The following A3GALT2 variants were observed in gnomAD, a reference collection of about 807,000 sequenced individuals.
The protein encoded by A3GALT2 is alpha 1,3-galactosyltransferase 2.
In A3GALT2, 14 loss-of-function variants were observed where a neutral mutation model predicts 16.6. The ratio of observed to expected loss-of-function variants is 0.84; its 90% CI spans 0.56 to 1.32. A3GALT2 has a LOEUF of 1.32. Ranked by LOEUF, A3GALT2 falls within the 40% of genes most tolerant of loss-of-function variation. The pLI, the probability that A3GALT2 is intolerant of heterozygous loss-of-function variation, is 0.00. For synonymous variants in A3GALT2, 253 were observed against 218.0 expected, an observed-to-expected ratio of 1.16 and a Z score of -1.42; for missense variants, 600 against 490.9, an observed-to-expected ratio of 1.22 and a Z score of -2.10.
rs1646198043 is a variant in A3GALT2, at chr1:33,307,155, C to T, written c.634G>A (p.Ala212Thr). 2 of 1,553,660 alleles carry T rather than the reference C, an allele frequency of 1.3e-6. No homozygotes were observed. The highest frequency in any genetic ancestry group is 1.7e-6 in the Non-Finnish European group (2 of 1,153,120). Residue 212 changes from alanine to threonine, a missense_variant, in exon 5 of 5, where the codon GCG (alanine) becomes ACG (threonine). Coordinates refer to ENST00000442999, the MANE Select transcript of A3GALT2 (RefSeq NM_001080438.1). ...QHFSGTFGPEALAESVAQLHS... is the reference protein window; with the variant it reads ...QHFSGTFGPETLAESVAQLHS... ...AGCTGCGCCACCGACTCGGCCAGCG[C>T]CTCGGGCCCAAAAGTGCCGCTGAAG...
At position 33,307,179 on chromosome 1, in the gene A3GALT2, A is replaced by G; in HGVS notation, c.610T>C (p.Phe204Leu). The change falls in exon 5 of 5, where the codon TTC becomes CTC. Residue 204 changes from phenylalanine to leucine, a missense_variant. Physicochemically the swap from Phe to Leu is conservative, Grantham distance 22. Coordinates refer to ENST00000442999, the MANE Select transcript of A3GALT2 (RefSeq NM_001080438.1). Reference protein sequence around the residue: ...FMFCMDVDQHFSGTFGPEALA... With the variant: ...FMFCMDVDQHLSGTFGPEALA... ...GCCTCGGGCCCAAAAGTGCCGCTGA[A>G]GTGCTGGTCCACGTCCATGCAGAAC... The G allele has an allele frequency of 5.2e-6, 8 of 1,550,942 alleles. No individual in the cohort carries two copies. The highest frequency in any genetic ancestry group is 8.7e-7 in the Non-Finnish European group (1 of 1,151,942).
intron 4 of A3GALT2, among the ~76,000 whole-genome samples, chr1:33,311,037 G>T (rs1473310886): frequency 6.6e-6 from 1 of 152,172 alleles, no homozygotes; most frequent in Admixed American, 6.5e-5. Flanking sequence ...GTTGTCTGGG[G>T]TATCTGGTAA....
intron 4 of A3GALT2, 87 bp downstream of exon 4, chr1:33,311,965 G>T: frequency 6.5e-7 from 1 of 1,548,826 alleles, no homozygotes; most frequent in East Asian, 2.3e-5. Context: ...CATGGCACAG[G>T]GGAGCAGGGT....
At position 33,312,054 on chromosome 1, in the gene A3GALT2, G is replaced by T. The variant is rs911589383; in HGVS notation, c.333C>A (p.Gly111=). ...LTIGLTIFAV[G]RYLEKYLERF... ...CTGCTCCCCTTCCCAGGCCTTACCTGCCTACAGCAAAGATAGTCAGCCCAA... is the reference window on the plus strand; with the variant it reads ...CTGCTCCCCTTCCCAGGCCTTACCTTCCTACAGCAAAGATAGTCAGCCCAA... The change falls in exon 4 of 5, where the codon GGC becomes GGA. Residue 111 remains glycine (G), a splice_region_variant and synonymous_variant. Transcript: ENST00000442999. 2 of 1,613,520 alleles carry T rather than the reference G, an allele frequency of 1.2e-6. No individual in the cohort carries two copies. Among genetic ancestry groups the T allele is most frequent in the Non-Finnish European group, 8.5e-7 (1 of 1,179,786 alleles).
chr1:33,319,298 A>G (rs1259798687), intron 1 of A3GALT2, among the ~76,000 whole-genome samples: 1 of 152,196 alleles, frequency 6.6e-6, no homozygotes, highest in Admixed American at 6.5e-5. Context: ...ACTCAGGTGA[A>G]TACTGCTGTC....
chr1:33,308,626 C>T (rs1405305124), intron 4 of A3GALT2, among the ~76,000 whole-genome samples: 2 of 151,674 alleles, frequency 1.3e-5, no homozygotes, highest in African/African-American at 4.9e-5. Context: ...AGGCTGGTCT[C>T]GAACTCTGAC....
Position 33,307,026 on chromosome 1 carries a change from C to A in A3GALT2, c.763G>T (p.Ala255Ser). 1.3e-6 allele frequency: 2 copies of A among 1,485,608 alleles called. No individual in the cohort carries two copies. Among genetic ancestry groups the A allele is most frequent in the East Asian group, 2.9e-5 (1 of 35,068 alleles). 92.0% of individuals were successfully genotyped at this position (1,485,608 alleles called of 1,614,324 possible). Reference sequence around the variant, plus strand: ...GCCACGCTGCCCCCGAACACCGCCGCGTGGTTATAGAAGTCGCCCTGGCCC... The same window carrying A: ...GCCACGCTGCCCCCGAACACCGCCGAGTGGTTATAGAAGTCGCCCTGGCCC... ...AWGQGDFYNH[A>S]AVFGGSVAAL... Residue 255 changes from alanine to serine, a missense_variant, in exon 5 of 5, where the codon GCG becomes TCG. Coordinates refer to ENST00000442999, the MANE Select transcript of A3GALT2 (RefSeq NM_001080438.1).
chr1:33,312,607 G>A lies in A3GALT2; in HGVS notation c.108-17C>T, dbSNP rs369137151. 7 of 1,561,102 alleles carry A rather than the reference G, an allele frequency of 4.5e-6. No individual in the cohort carries two copies. Among genetic ancestry groups the A allele is most frequent in the Non-Finnish European group, 6.1e-6 (7 of 1,150,394 alleles). On this transcript the variant is annotated splice_polypyrimidine_tract_variant and intron_variant, in intron 2 of 4. Transcript: ENST00000442999. ...TCCAGATGCCTGTGGTGGGTTGAGG[G>A]GCGGGGGGCAGGCAGCCGTGAGAAG...
At chr1:33,308,770 T>TTTTTTTTTG (rs1646217420) in intron 4 of A3GALT2, among the ~76,000 whole-genome samples, 1 of 128,800 alleles carries the variant, frequency 7.8e-6, no homozygotes, top group East Asian at 2.0e-4. Context: ...TTTTTTTTTT[T>TTTTTTTTTG]TTTTTTTTTT....
At chr1:33,319,087 C>T (rs1486823423) in intron 1 of A3GALT2, among the ~76,000 whole-genome samples, 1 of 152,138 alleles carries the variant, frequency 6.6e-6, no homozygotes, top group Admixed American at 6.5e-5. Flanking sequence ...CACCACAGCC[C>T]CTTGAAGGAG....
intron 1 of A3GALT2, among the ~76,000 whole-genome samples, chr1:33,318,253 A>G (rs1646269984): frequency 6.6e-6 from 1 of 152,200 alleles, no homozygotes; most frequent in South Asian, 2.1e-4. Context: ...TAAAACAGTG[A>G]AACAGGTATA....
At chr1:33,310,396 G>C (rs947492626) in intron 4 of A3GALT2, among the ~76,000 whole-genome samples, 2 of 152,176 alleles carry the variant, frequency 1.3e-5, no homozygotes, top group Non-Finnish European at 2.9e-5. Context: ...TATTTTATGA[G>C]CTATAATAAT....
At chr1:33,309,927 C>T (rs552663746) in intron 4 of A3GALT2, among the ~76,000 whole-genome samples, 16 of 152,356 alleles carry the variant, frequency 1.1e-4, no homozygotes, top group African/African-American at 2.2e-4. Flanking sequence ...GCTGCAATCT[C>T]GGCACTTTGG....
rs779089946 is a variant in A3GALT2, at chr1:33,307,285, G to C, written c.504C>G (p.Arg168=). Residue 168 remains arginine (R), a synonymous_variant, in exon 5 of 5, where the codon CGC becomes CGG. Transcript: ENST00000442999. ...TGCGCGCCATCGACACGTCTTGCCA[G>C]CGCCGCTCGCGCGCCACGCGCTCCA... ...LPVERVARER[R]WQDVSMARMR... is the part of the protein sequence containing the mutation. The C allele has an allele frequency of 2.8e-6, 4 of 1,438,198 alleles. No homozygotes were observed. The highest frequency in any genetic ancestry group is 3.6e-6 in the Non-Finnish European group (4 of 1,103,982). The allele number at this position is 1,438,198 out of a possible 1,614,324, so 89.1% of individuals were successfully genotyped here.
chr1:33,308,017 ACCCC>A (rs1188757207), intron 4 of A3GALT2, among the ~76,000 whole-genome samples: 5 of 64 alleles, frequency 0.078, no homozygotes, highest in Non-Finnish European at 0.12. Flanking sequence ...CACCCACCTC[ACCCC>A]CACCGCAACC....
intron 4 of A3GALT2, among the ~76,000 whole-genome samples, chr1:33,310,184 T>C (rs1391749008): frequency 2.0e-5 from 3 of 152,120 alleles, no homozygotes; most frequent in Non-Finnish European, 2.9e-5. Flanking sequence ...GCGCCTGCAA[T>C]CCCAGGCACT....
chr1:33,307,486 T>A, intron 4 of A3GALT2, 33 bp from the exon 5 acceptor site: 2 of 1,424,282 alleles, frequency 1.4e-6, no homozygotes, highest in Non-Finnish European at 9.2e-7. Flanking sequence ...AGCCTGAGAG[T>A]GAAGCGAGGC....
intron 1 of A3GALT2, among the ~76,000 whole-genome samples, chr1:33,317,321 A>G (rs987757577): frequency 6.6e-6 from 1 of 152,234 alleles, no homozygotes; most frequent in African/African-American, 2.4e-5. Context: ...GCATCAGAAA[A>G]TAAGACTAAA....
rs11304832 is a variant in A3GALT2 at position 33,314,056 on chromosome 1, CTTT to C, written c.24-1169_24-1167del. 1.7e-3 allele frequency: 144 copies of C among 83,410 alleles called. 1 individual carries two copies. The highest frequency in any genetic ancestry group is 6.0e-3 in the African/African-American group (122 of 20,416). 5.2% of individuals were successfully genotyped at this position (83,410 alleles called of 1,614,324 possible). ...ATCCTTCTTTCCTTCCTTCCTTCCTCTTTTTTTTTTTTTTTTTTTTTTTTGAGA... is the reference window on the plus strand; with the variant it reads ...ATCCTTCTTTCCTTCCTTCCTTCCTCTTTTTTTTTTTTTTTTTTTTTGAGA... On this transcript the variant is annotated intron_variant, in intron 1 of 4. Transcript: ENST00000442999.
Sources: gnomAD v4.1 joint callset for allele counts (sites outside exome capture counted in the v4.1 genomes callset) on GRCh38, gnomAD v4.1.1 for gene constraint, MANE v1.5 for transcripts, NCBI Gene and HGNC (gene_info 2026-07-23, HGNC 2026-07-21) for gene names.